Variants in ZNF45 observed in about 807,000 individuals in gnomAD.
The protein encoded by ZNF45 is zinc finger protein 45, also known as BRC1744.
Under a neutral mutation model 12.0 loss-of-function variants are expected in ZNF45, and 4 were observed. The observed-to-expected ratio is 0.33, with a 90% CI of 0.16 to 0.76. The LOEUF (loss-of-function observed/expected upper bound fraction) is 0.76. ZNF45 is among the 30% of genes least tolerant of loss of function. The pLI is 0.60. For synonymous variants in ZNF45, 272 were observed against 279.6 expected, an observed-to-expected ratio of 0.97 and a Z score of 0.27; for missense variants, 700 against 813.0, an observed-to-expected ratio of 0.86 and a Z score of 1.69.
At chr19:43,920,762 G>A (rs1387777410) in intron 7 of ZNF45, among the ~76,000 whole-genome samples, 3 of 151,766 alleles carry the variant, frequency 2.0e-5, no homozygotes, top group Non-Finnish European at 4.4e-5. Context: ...CACTATGCCA[G>A]GCTAATTTTT....
At chr19:43,922,820 GTTTTTTTT>G (rs368057244) in intron 6 of ZNF45, among the ~76,000 whole-genome samples, 1 of 86,506 alleles carries the variant, frequency 1.2e-5, no homozygotes, top group Non-Finnish European at 2.1e-5. Flanking sequence ...TAAATTCTTT[GTTTTTTTT>G]TTTTTTTTTT....
At chr19:43,932,198 T>C (rs1346926184) in intron 3 of ZNF45, among the ~76,000 whole-genome samples, 2 of 152,112 alleles carry the variant, frequency 1.3e-5, no homozygotes, top group African/African-American at 4.8e-5. Flanking sequence ...TAGCTGGGCA[T>C]GGTGGTGCAC....
chr19:43,917,073 C>T (rs17713001), intron 9 of ZNF45, among the ~76,000 whole-genome samples: 56,124 of 151,996 alleles, frequency 0.37, 11,536 homozygotes, highest in South Asian at 0.56. Flanking sequence ...CTATATAGAT[C>T]ACACCATTGT....
chr19:43,919,719 C>T lies in ZNF45; in HGVS notation c.16-20G>A. 6.2e-7 allele frequency: 1 copy of T among 1,607,570 alleles called. No homozygotes were observed. Among genetic ancestry groups the T allele is most frequent in the Non-Finnish European group, 8.5e-7 (1 of 1,176,060 alleles). ...TGCCTCCTACAACATCAAACACACT[C>T]CACCTAAATCTTGCAATAAAGGTCC... On this transcript the variant is annotated intron_variant, in intron 7 of 9. Coordinates refer to ENST00000269973, the MANE Select transcript of ZNF45 (RefSeq NM_003425.4).
Position 43,914,831 on chromosome 19 carries a change from C to A in ZNF45, c.605G>T (p.Arg202Leu), listed in dbSNP as rs202107431. The A allele has an allele frequency of 6.2e-7, 1 of 1,612,262 alleles. No individual in the cohort carries two copies. Among genetic ancestry groups the A allele is most frequent in the Non-Finnish European group, 8.5e-7 (1 of 1,178,486 alleles). The change falls in exon 10 of 10, where the codon CGT becomes CTT. Residue 202 changes from arginine (R) to leucine (L), a missense_variant. By Grantham distance (102) the Arg-to-Leu change is moderately radical (BLOSUM62 -2). Coordinates refer to ENST00000269973, the MANE Select transcript of ZNF45 (RefSeq NM_003425.4). ...ATGGGCTTGAAGACTTGAAAACCGA[C>A]GGAAGGCATTATCACATTTTTCACA... ...YKCEKCDNAF[R>L]RFSSLQAHQR...
chr19:43,928,673 T>G (rs1180626026), intron 3 of ZNF45, among the ~76,000 whole-genome samples: 3 of 152,220 alleles, frequency 2.0e-5, no homozygotes, highest in Non-Finnish European at 4.4e-5. Context: ...CCTCCAATTT[T>G]TCTACTAACC....
In ZNF45 at chr19:43,913,330, A is replaced by C; in HGVS notation, c.*57T>G. On this transcript the variant is annotated 3_prime_UTR_variant, in exon 10 of 10. Coordinates refer to ENST00000269973, the MANE Select transcript of ZNF45 (RefSeq NM_003425.4). ...ACTCTATAAAACAAATGTTTTGTCT[A>C]TGATAGCTCTGATTATTAAAATATT... 5.3e-6 allele frequency: 8 copies of C among 1,513,726 alleles called. No homozygotes were observed. The South Asian group carries it at 1.1e-4, about 21-fold the overall frequency. 93.8% of individuals were successfully genotyped at this position (1,513,726 alleles called of 1,614,324 possible). A position where few individuals can be genotyped will look rare whatever the true frequency, so the allele number is the denominator to read the frequency against.
chr19:43,931,742 C>G (rs1974162616), intron 3 of ZNF45, among the ~76,000 whole-genome samples: 1 of 152,110 alleles, frequency 6.6e-6, no homozygotes, highest in Non-Finnish European at 1.5e-5. Flanking sequence ...ATCATCCCTA[C>G]TTAACGGGTA....
chr19:43,930,045 G>A (rs1000698786), intron 3 of ZNF45: 1 of 152,256 alleles, frequency 6.6e-6, no homozygotes, highest in Non-Finnish European at 1.5e-5. Flanking sequence ...ATTTCTCACA[G>A]TTCTGAAGGA....
intron 3 of ZNF45, among the ~76,000 whole-genome samples, chr19:43,928,001 C>A (rs1290935706): frequency 6.6e-6 from 1 of 151,502 alleles, no homozygotes; most frequent in Non-Finnish European, 1.5e-5. Context: ...ATGGAGAAAC[C>A]CTGTCTCTAC....
intron 1 of ZNF45, 45 bp from the exon 2 acceptor site, chr19:43,934,739 A>G (rs537559318): frequency 2.3e-4 from 35 of 152,352 alleles, no homozygotes; most frequent in African/African-American, 8.2e-4. Context: ...TGAAAAATGA[A>G]TATTTTTTAT....
In ZNF45 at chr19:43,914,765, G is replaced by T; in HGVS notation, c.671C>A (p.Ala224Glu). ...CCTCTGACTAAAACTCCTGTAACTT[G>T]CATCATTTGTGTATGATTTTGCTCT... ...HSRAKSYTNDASYRSFSQRSH... is the reference protein window; with the variant it reads ...HSRAKSYTNDESYRSFSQRSH... The change falls in exon 10 of 10, where the codon GCA becomes GAA. Residue 224 changes from alanine (A) to glutamate (E), a missense_variant. Ala to Glu is a moderately radical substitution (Grantham distance 107). Transcript: ENST00000269973. The T allele has an allele frequency of 1.2e-6, 2 of 1,614,054 alleles. No individual in the cohort carries two copies. Among genetic ancestry groups the T allele is most frequent in the Non-Finnish European group, 1.7e-6 (2 of 1,180,032 alleles).
chr19:43,929,557 A>G (rs1973957947), intron 3 of ZNF45, among the ~76,000 whole-genome samples: 1 of 152,156 alleles, frequency 6.6e-6, no homozygotes, highest in Non-Finnish European at 1.5e-5. Context: ...AGTGGGCTTC[A>G]TGTGGTCTGG....
At position 43,913,197 on chromosome 19, in the gene ZNF45, G is replaced by A; in HGVS notation, c.*190C>T. On this transcript the variant is annotated 3_prime_UTR_variant, in exon 10 of 10. Coordinates refer to ENST00000269973, the MANE Select transcript of ZNF45 (RefSeq NM_003425.4). ...CAGACTCATCCTTCCTGATCCTCTT[G>A]TCTGCATGTATCAGCTAATGGTCAA... is the stretch of plus-strand genomic sequence containing the variant. 1 of 533,776 alleles carries A rather than the reference G, an allele frequency of 1.9e-6. No homozygotes were observed. The highest frequency in any genetic ancestry group is 3.5e-5 in the Admixed American group (1 of 28,734). The allele number at this position is 533,776 out of a possible 1,614,324, so 33.1% of individuals were successfully genotyped here.
At chr19:43,923,161 T>A (rs1973351964) in intron 6 of ZNF45, among the ~76,000 whole-genome samples, 1 of 152,162 alleles carries the variant, frequency 6.6e-6, no homozygotes, top group Non-Finnish European at 1.5e-5. Flanking sequence ...TAACCTCTAC[T>A]TTAACCTCGC....
Position 43,914,968 on chromosome 19 carries a change from T to C in ZNF45, c.468A>G (p.Arg156=). The change falls in exon 10 of 10, where the codon AGA becomes AGG. Residue 156 remains arginine, a synonymous_variant. Coordinates refer to ENST00000269973, the MANE Select transcript of ZNF45 (RefSeq NM_003425.4). ...TGTAGGGTTTTTCACCAGTGTGGAC[T>C]CTGTGAACTTGAAGATGGGAACTCT... ...SNQSSHLQVH[R]VHTGEKPYKG... 1 of 1,605,660 alleles carries C rather than the reference T, an allele frequency of 6.2e-7. No homozygotes were observed. Among genetic ancestry groups the C allele is most frequent in the Non-Finnish European group, 8.5e-7 (1 of 1,173,612 alleles).
chr19:43,916,986 G>A (rs1972737509), intron 9 of ZNF45, among the ~76,000 whole-genome samples: 1 of 152,070 alleles, frequency 6.6e-6, no homozygotes, highest in Admixed American at 6.6e-5. Context: ...TCAAGTAGGA[G>A]TCAATATTTA....
At chr19:43,915,243 T>C in intron 9 of ZNF45, 43 bp from the exon 10 acceptor site, 3 of 1,451,130 alleles carry the variant, frequency 2.1e-6, no homozygotes, top group Non-Finnish European at 2.7e-6. Flanking sequence ...ATGTGAATAA[T>C]GTTTTGTTCC....
chr19:43,919,829 T>C lies in ZNF45; in HGVS notation c.16-130A>G, dbSNP rs384329. 0.51 allele frequency: 503,585 copies of C among 994,614 alleles called. 131,541 individuals are homozygous for C. The highest frequency in any genetic ancestry group is 0.83 in the East Asian group (28,549 of 34,280). 61.6% of individuals were successfully genotyped at this position (994,614 alleles called of 1,614,324 possible). On this transcript the variant is annotated intron_variant, in intron 7 of 9. Coordinates refer to ENST00000269973, the MANE Select transcript of ZNF45 (RefSeq NM_003425.4). ...TCTTAAGAGACCATATTCAACTTTA[T>C]TACAGTTAAACACATATAAAGTGTA...
Sources: allele counts gnomAD v4.1 joint callset (sites outside exome capture counted in the v4.1 genomes callset), GRCh38; gene constraint gnomAD v4.1.1; transcripts MANE v1.5; gene names NCBI Gene and HGNC (gene_info 2026-07-23, HGNC 2026-07-21).